KIFC2: variants seen among roughly 807,000 people sequenced by gnomAD.
KIFC2 encodes the protein kinesin family member C2, also known as kinesin-like protein KIFC2.
In KIFC2, 94 loss-of-function variants were observed where a neutral mutation model predicts 91.5. The observed-to-expected ratio is 1.03, with a 90% CI of 0.87 to 1.22. The LOEUF (loss-of-function observed/expected upper bound fraction) is 1.22, where lower values mean the gene tolerates loss of function less well. KIFC2 is among the 50% of genes most tolerant of loss of function. KIFC2 has a pLI of 0.00. For synonymous variants in KIFC2, 729 were observed against 503.9 expected (o/e 1.45, Z -5.98); for missense variants, 1,357 against 1,103.3 (o/e 1.23, Z -3.26).
chr8:144,473,488 C>T lies in KIFC2; in HGVS notation c.*99C>T, dbSNP rs921681358. 5.6e-6 allele frequency: 8 copies of T among 1,435,936 alleles called. No homozygotes were observed. The highest frequency in any genetic ancestry group is 2.7e-5 in the Admixed American group (1 of 36,946). The allele number at this position is 1,435,936 out of a possible 1,614,324, so 88.9% of individuals were successfully genotyped here. A position where few individuals can be genotyped will look rare whatever the true frequency, so the allele number is the denominator to read the frequency against. Reference sequence around the variant, plus strand: ...ACCCCGTCTCCCAGGGCACAAGCTCCCTAGCCTCTTTGGATCCATTGCCCC... The same window carrying T: ...ACCCCGTCTCCCAGGGCACAAGCTCTCTAGCCTCTTTGGATCCATTGCCCC... On this transcript the variant is annotated 3_prime_UTR_variant, in exon 18 of 18. Coordinates refer to ENST00000645548, the MANE Select transcript of KIFC2 (RefSeq NM_001369769.2).
chr8:144,468,901 C>T (rs1291313117), intron 10 of KIFC2, 67 bp downstream of exon 10: 7 of 1,354,704 alleles, frequency 5.2e-6, no homozygotes, highest in East Asian at 2.3e-5. Context: ...TTGACGGGGG[C>T]GTTCCTGGGG....
intron 1 of KIFC2, 51 bp from the exon 2 acceptor site, chr8:144,466,709 C>T (rs1299299595): frequency 2.8e-6 from 4 of 1,414,350 alleles, no homozygotes; most frequent in African/African-American, 1.5e-5. Flanking sequence ...AGGGAAGGGG[C>T]CAGCAGGCTG....
rs1216625963 is a variant in KIFC2 at position 144,473,305 on chromosome 8, G to A, written c.2292G>A (p.Thr764=). 17 of 1,603,588 alleles carry A rather than the reference G, an allele frequency of 1.1e-5. No individual in the cohort carries two copies. The highest frequency in any genetic ancestry group is 1.4e-5 in the Non-Finnish European group (17 of 1,176,430). ...TCACCGGGACCCCCTGCACCCCTAC[G>A]CCGTCCCCTGGCAGTCCTCCATGCC... ...TPLTGTPCTP[T]PSPGSPPCPS... Residue 764 remains threonine, a synonymous_variant, in exon 18 of 18, where the codon ACG becomes ACA. Transcript: ENST00000645548.
In KIFC2 at chr8:144,469,384, G is replaced by A; in HGVS notation, c.1222+5G>A. On this transcript the variant is annotated splice_donor_5th_base_variant and intron_variant, in intron 11 of 17. Coordinates refer to ENST00000645548, the MANE Select transcript of KIFC2 (RefSeq NM_001369769.2). ...GGCGGCTGCCAGAACTCAAGGGTATGACAGGCTTGGGAGCCTAGCGGGGCA... is the reference window on the plus strand; with the variant it reads ...GGCGGCTGCCAGAACTCAAGGGTATAACAGGCTTGGGAGCCTAGCGGGGCA... 1 of 1,611,906 alleles carries A rather than the reference G, an allele frequency of 6.2e-7. No individual in the cohort carries two copies. The highest frequency in any genetic ancestry group is 8.5e-7 in the Non-Finnish European group (1 of 1,179,406).
chr8:144,469,170 G>T (rs1201269972), intron 10 of KIFC2, 101 bp from the exon 11 acceptor site: 6 of 946,042 alleles, frequency 6.3e-6, no homozygotes, highest in African/African-American at 1.7e-5. Context: ...ACAGCTGAGC[G>T]GGCCTGTGGG....
intron 1 of KIFC2, 26 bp downstream of exon 1, chr8:144,466,544 G>A (rs1824644823): frequency 2.6e-6 from 3 of 1,136,648 alleles, no homozygotes; most frequent in Middle Eastern, 2.7e-4. Flanking sequence ...CGTGCAGCCC[G>A]TCGTCTCCCG....
rs1716120559 is a variant in KIFC2 at position 144,466,390 on chromosome 8, A to G, written c.-30A>G. ...GGGCGCGGGGACGCGGGGCGGCGCG[A>G]AGCGGGGCCCTCTGCCGCCCCGCGC... On this transcript the variant is annotated 5_prime_UTR_variant, in exon 1 of 18. Transcript: ENST00000645548. 19 of 988,648 alleles carry G rather than the reference A, an allele frequency of 1.9e-5. No homozygotes were observed. Among genetic ancestry groups the G allele is most frequent in the Non-Finnish European group, 2.5e-5 (19 of 760,492 alleles). 61.2% of individuals were successfully genotyped at this position (988,648 alleles called of 1,614,324 possible). A position where few individuals can be genotyped will look rare whatever the true frequency, so the allele number is the denominator to read the frequency against.
In KIFC2 at chr8:144,473,382, C is replaced by A; in HGVS notation, c.2369C>A (p.Pro790His). ...GCTCTCGCGCCCGCAGAGGGCCTGCCCCTCTAGTCCTGGGTCGCGGCCCTG... is the reference window on the plus strand; with the variant it reads ...GCTCTCGCGCCCGCAGAGGGCCTGCACCTCTAGTCCTGGGTCGCGGCCCTG... ...GSALAPAEGL[P>H]L The change falls in exon 18 of 18, where the codon CCC (proline) becomes CAC (histidine). Residue 790 changes from proline (P) to histidine (H), a missense_variant. By Grantham distance (77) the Pro-to-His change is moderately conservative. Transcript: ENST00000645548. The A allele has an allele frequency of 6.3e-7, 1 of 1,578,110 alleles. No individual in the cohort carries two copies.
In KIFC2 at chr8:144,466,953, C is replaced by T. The variant is rs533047250; in HGVS notation, c.179-6C>T. 2.0e-5 allele frequency: 32 copies of T among 1,590,204 alleles called. No homozygotes were observed. The highest frequency in any genetic ancestry group is 1.3e-4 in the South Asian group (12 of 89,668). ...AATGTCTCCCGCCCTCCTCCCTGAC[C>T]GGCAGCCAGCTCCGAGCCTGAGGAT... On this transcript the variant is annotated splice_region_variant and splice_polypyrimidine_tract_variant and intron_variant, in intron 2 of 17. Transcript: ENST00000645548.
At position 144,467,317 on chromosome 8, in the gene KIFC2, C is replaced by T. The variant is rs986975888; in HGVS notation, c.445C>T (p.Arg149Trp). The change falls in exon 4 of 18, where the codon CGG becomes TGG. Residue 149 changes from arginine (R) to tryptophan (W), a missense_variant. Transcript: ENST00000645548. ...GCTCCAGGGGACTCAGCCAGCCCCT[C>T]GGGTCCGGCCCCCCTCTCCAGATGG... ...ALLQGTQPAP[R>W]VRPPSPDGST... 1.2e-6 allele frequency: 2 copies of T among 1,610,238 alleles called. No homozygotes were observed. The highest frequency in any genetic ancestry group is 2.7e-5 in the African/African-American group (2 of 74,872).
At chr8:144,471,687 G>T (rs999573803) in intron 12 of KIFC2, among the ~76,000 whole-genome samples, 2 of 152,156 alleles carry the variant, frequency 1.3e-5, no homozygotes, top group African/African-American at 4.8e-5. Flanking sequence ...GGACTCCAGA[G>T]CCTCTGCATA....
At position 144,469,605 on chromosome 8, in the gene KIFC2, C is replaced by T; in HGVS notation, c.1338C>T (p.Phe446=). 1 of 1,611,246 alleles carries T rather than the reference C, an allele frequency of 6.2e-7. No individual in the cohort carries two copies. The highest frequency in any genetic ancestry group is 8.5e-7 in the Non-Finnish European group (1 of 1,178,928). The change falls in exon 12 of 18, where the codon TTC becomes TTT. Residue 446 remains phenylalanine, a synonymous_variant. Transcript: ENST00000645548. ...TTCYRGRHRR[F]RLDWVFPPDA... ...GCTACCGGGGGCGCCATCGTCGATTCCGCCTAGACTGGGTCTTCCCTCCAG... is the reference window on the plus strand; with the variant it reads ...GCTACCGGGGGCGCCATCGTCGATTTCGCCTAGACTGGGTCTTCCCTCCAG...
rs1318203053 is a variant in KIFC2, at chr8:144,469,289, G to A, written c.1132G>A (p.Ala378Thr). ...ARGQVSWALG[A>T]LSSGGPGTQL... ...CCCTCAGGTGTCCTGGGCCTTGGGG[G>A]CACTGTCATCTGGAGGGCCTGGCAC... The change falls in exon 11 of 18, where the codon GCA (alanine) becomes ACA (threonine). Residue 378 changes from alanine to threonine, a missense_variant. Ala to Thr is a moderately conservative substitution (Grantham distance 58). Transcript: ENST00000645548. 7 of 1,600,510 alleles carry A rather than the reference G, an allele frequency of 4.4e-6. No individual in the cohort carries two copies. The highest frequency in any genetic ancestry group is 5.1e-6 in the Non-Finnish European group (6 of 1,175,544).
rs762545599 is a variant in KIFC2 at position 144,466,837 on chromosome 8, C to T, written c.177C>T (p.Ala59=). The stretch of plus-strand genomic sequence containing the variant: ...TGTGGACCGAGCTGACCGGCCTGGC[C>T]GGTAGGTGCGGGCTGGGAGTCCCGC... ...PELWTELTGL[A]ASSEPEDGSE... The change falls in exon 2 of 18, where the codon GCC becomes GCT. Residue 59 remains alanine, a splice_region_variant and synonymous_variant. Coordinates refer to ENST00000645548, the MANE Select transcript of KIFC2 (RefSeq NM_001369769.2). 16 of 1,536,776 alleles carry T rather than the reference C, an allele frequency of 1.0e-5. No individual in the cohort carries two copies. The South Asian group carries it at 1.2e-4, about 11-fold the overall frequency.
chr8:144,466,606 G>A, intron 1 of KIFC2, 88 bp downstream of exon 1: 2 of 865,570 alleles, frequency 2.3e-6, no homozygotes, highest in Non-Finnish European at 3.1e-6. Context: ...CGGGCACGGG[G>A]CGCGGGGCGA....
chr8:144,468,271 G>A, intron 7 of KIFC2, 58 bp from the exon 8 acceptor site: 1 of 1,479,412 alleles, frequency 6.8e-7, no homozygotes. Context: ...TCCCATCTGT[G>A]AAATGGTACC....
Position 144,474,050 on chromosome 8 carries a change from G to A in KIFC2, c.*661G>A. 6.7e-6 allele frequency: 4 copies of A among 597,738 alleles called. No homozygotes were observed. Among genetic ancestry groups the A allele is most frequent in the South Asian group, 2.1e-5 (1 of 47,984 alleles). The allele number at this position is 597,738 out of a possible 1,614,324, so 37.0% of individuals were successfully genotyped here. A position where few individuals can be genotyped will look rare whatever the true frequency, so the allele number is the denominator to read the frequency against. On this transcript the variant is annotated 3_prime_UTR_variant, in exon 18 of 18. Transcript: ENST00000645548. ...GGAAAAACAGGCATGACAGACCAGG[G>A]TGAGGGTTGTGCCCAGCTGGGCCAC... is the stretch of plus-strand genomic sequence containing the variant.
chr8:144,467,401 T>A, intron 4 of KIFC2, 60 bp downstream of exon 4: 5 of 1,546,478 alleles, frequency 3.2e-6, no homozygotes, highest in Non-Finnish European at 4.4e-6. Flanking sequence ...CGGTAGAACC[T>A]GGGCGGCCTG....
At position 144,466,810 on chromosome 8, in the gene KIFC2, G is replaced by T; in HGVS notation, c.150G>T (p.Glu50Asp). The T allele has an allele frequency of 6.5e-7, 1 of 1,537,970 alleles. No homozygotes were observed. The highest frequency in any genetic ancestry group is 8.7e-7 in the Non-Finnish European group (1 of 1,149,118). ...GGCGCCCAGACCTGCCCGCGCCAGA[G>T]CTGTGGACCGAGCTGACCGGCCTGG... is the stretch of plus-strand genomic sequence containing the variant. ...GRRRPDLPAP[E>D]LWTELTGLAA... The change falls in exon 2 of 18, where the codon GAG becomes GAT. Residue 50 changes from glutamate to aspartate, a missense_variant. Physicochemically the swap from Glu to Asp is conservative, Grantham distance 45. Transcript: ENST00000645548.
Sources: allele counts gnomAD v4.1 joint callset (sites outside exome capture counted in the v4.1 genomes callset), GRCh38; gene constraint gnomAD v4.1.1; transcripts MANE v1.5; gene names NCBI Gene and HGNC (gene_info 2026-07-23, HGNC 2026-07-21).